MICU1: variants seen among roughly 807,000 people sequenced by gnomAD.
The protein encoded by MICU1 is mitochondrial calcium uptake 1.
Under a neutral mutation model 56.8 loss-of-function variants are expected in MICU1, and 45 were observed. The observed-to-expected ratio is 0.79, with a 90% CI of 0.62 to 1.02. The LOEUF (loss-of-function observed/expected upper bound fraction) is 1.02, where lower values mean the gene tolerates loss of function less well. Among genes scored for constraint, MICU1 ranks in the 50% least tolerant of loss-of-function variants. The probability of loss-of-function intolerance (pLI) is 0.00; values close to 1 mark genes in which losing one functional copy is unlikely to be tolerated. For synonymous variants in MICU1, 186 were observed against 195.1 expected, an observed-to-expected ratio of 0.95 and a Z score of 0.39; for missense variants, 504 against 587.1, an observed-to-expected ratio of 0.86 and a Z score of 1.46.
chr10:72,508,067 A>G (rs912249643), intron 6 of MICU1, 88 bp downstream of exon 6: 1 of 584,916 alleles, frequency 1.7e-6, no homozygotes, highest in African/African-American at 1.9e-5. Flanking sequence ...AACTCTACCA[A>G]TATGTCTTGT....
chr10:72,598,738 T>C (rs1180261443), intron 1 of MICU1, among the ~76,000 whole-genome samples: 1 of 152,024 alleles, frequency 6.6e-6, no homozygotes, highest in Non-Finnish European at 1.5e-5. Context: ...AAATGAAGAA[T>C]AACCCCAAAA....
At chr10:72,604,934 A>T (rs929758380) in intron 1 of MICU1, among the ~76,000 whole-genome samples, 2 of 152,200 alleles carry the variant, frequency 1.3e-5, no homozygotes. Flanking sequence ...GTGCTTCCAT[A>T]AACAGATGAA....
chr10:72,370,444 G>C (rs1316492145), intron 11 of MICU1, among the ~76,000 whole-genome samples: 1 of 152,086 alleles, frequency 6.6e-6, no homozygotes, highest in African/African-American at 2.4e-5. Flanking sequence ...TGGCTGAAGA[G>C]AGTATGGGCA....
chr10:72,434,566 C>T (rs1223040041), intron 8 of MICU1, among the ~76,000 whole-genome samples: 1 of 152,000 alleles, frequency 6.6e-6, no homozygotes, highest in African/African-American at 2.4e-5. Flanking sequence ...TTAGGAGGCC[C>T]AACATTATTC....
chr10:72,451,452 C>T (rs1414186994), intron 8 of MICU1, among the ~76,000 whole-genome samples: 2 of 152,296 alleles, frequency 1.3e-5, no homozygotes, highest in East Asian at 3.9e-4. Flanking sequence ...AAGCTGTTCC[C>T]AAAATCTCCC....
intron 1 of MICU1, among the ~76,000 whole-genome samples, chr10:72,573,859 A>T (rs1338549257): frequency 1.3e-5 from 2 of 152,212 alleles, no homozygotes; most frequent in African/African-American, 4.8e-5. Flanking sequence ...AAGGCACATT[A>T]TGGCAAGCTT....
chr10:72,422,056 T>C (rs1864192360), intron 9 of MICU1, among the ~76,000 whole-genome samples: 1 of 152,136 alleles, frequency 6.6e-6, no homozygotes, highest in Non-Finnish European at 1.5e-5. Context: ...CCCATTCATA[T>C]GTTGAAGCCC....
chr10:72,441,410 TG>T (rs1864923406), intron 8 of MICU1, among the ~76,000 whole-genome samples: 1 of 90,706 alleles, frequency 1.1e-5, no homozygotes. Context: ...TGTTGGGGGG[TG>T]GGGGGCTGGG....
At position 72,614,209 on chromosome 10, in the gene MICU1, AT is replaced by A. The variant is rs202112016; in HGVS notation, c.-2+11800del. 1.5e-4 allele frequency among the ~76,000 whole-genome samples: 22 copies of A among 151,380 alleles called. No homozygotes were observed. The South Asian group carries it at 3.3e-3, about 23-fold the overall frequency. On this transcript the variant is annotated intron_variant, in intron 1 of 11. Coordinates refer to ENST00000361114, the MANE Select transcript of MICU1 (RefSeq NM_001195518.2). Reference sequence around the variant, plus strand: ...ACTCATTCAAATGGCTATTACTTAAATTTTAAAAAAAAAACAAGTGTTGACA... The same window carrying A: ...ACTCATTCAAATGGCTATTACTTAAATTTAAAAAAAAAACAAGTGTTGACA...
chr10:72,477,705 T>C, intron 6 of MICU1: 1 of 644,784 alleles, frequency 1.6e-6, no homozygotes, highest in East Asian at 2.8e-5. Context: ...GCTTTCTACT[T>C]TGTTCTTTCT....
intron 4 of MICU1, among the ~76,000 whole-genome samples, chr10:72,543,620 C>G (rs1211376095): frequency 6.6e-6 from 1 of 152,154 alleles, no homozygotes; most frequent in Non-Finnish European, 1.5e-5. Flanking sequence ...CTTTGGGAGG[C>G]TGAGGTGGGC....
intron 8 of MICU1, among the ~76,000 whole-genome samples, chr10:72,450,115 CAG>C (rs757087531): frequency 4.0e-5 from 6 of 151,592 alleles, no homozygotes; most frequent in Non-Finnish European, 7.4e-5. Flanking sequence ...TGCAGAGAGA[CAG>C]GTATTTAACA....
chr10:72,588,921 C>A (rs562672218), intron 1 of MICU1, among the ~76,000 whole-genome samples: 2 of 152,312 alleles, frequency 1.3e-5, no homozygotes, highest in African/African-American at 4.8e-5. Context: ...CAAAAAATCC[C>A]ACTAAGGTGG....
At chr10:72,517,679 A>C (rs1374282672) in intron 5 of MICU1, among the ~76,000 whole-genome samples, 1 of 152,022 alleles carries the variant, frequency 6.6e-6, no homozygotes, top group Admixed American at 6.6e-5. Context: ...TTCAGTGTAC[A>C]CTGCTCGGTG....
At chr10:72,424,552 A>G (rs1232682787) in intron 8 of MICU1, among the ~76,000 whole-genome samples, 1 of 152,062 alleles carries the variant, frequency 6.6e-6, no homozygotes, top group African/African-American at 2.4e-5. Flanking sequence ...TCTGGGATCA[A>G]GCAATCTGCC....
At chr10:72,500,292 ATATATATATATTTTTTTTTTTTTT>A (rs1867013212) in intron 6 of MICU1, among the ~76,000 whole-genome samples, 12 of 7,272 alleles carry the variant, frequency 1.7e-3, no homozygotes, top group African/African-American at 2.9e-3. Context: ...ATATATATAT[ATATATATATATTTTTTTTTTTTTT>A]TTTTTTTTTT....
intron 6 of MICU1, among the ~76,000 whole-genome samples, chr10:72,481,454 C>T (rs999407203): frequency 3.3e-5 from 5 of 151,970 alleles, no homozygotes; most frequent in Non-Finnish European, 7.4e-5. Flanking sequence ...CTCTATTGCC[C>T]AGGCTGGAGT....
intron 11 of MICU1, among the ~76,000 whole-genome samples, chr10:72,372,017 C>T (rs541109735): frequency 6.6e-6 from 1 of 151,112 alleles, no homozygotes; most frequent in South Asian, 2.1e-4. Context: ...CATTATGCCC[C>T]CGCACTCCAG....
chr10:72,475,606 T>A (rs1482582901), intron 7 of MICU1, among the ~76,000 whole-genome samples: 1 of 152,008 alleles, frequency 6.6e-6, no homozygotes, highest in Non-Finnish European at 1.5e-5. Context: ...TTTTTTGTAT[T>A]TTAATAGAGA....
Sources: gnomAD v4.1 joint callset for allele counts (sites outside exome capture counted in the v4.1 genomes callset) on GRCh38, gnomAD v4.1.1 for gene constraint, MANE v1.5 for transcripts, NCBI Gene and HGNC (gene_info 2026-07-23, HGNC 2026-07-21) for gene names.